The following YIF1B variants were observed in gnomAD, a reference collection of about 807,000 sequenced individuals.
YIF1B encodes Yip1 interacting factor homolog B, membrane trafficking protein.
Under a neutral mutation model 34.6 loss-of-function variants are expected in YIF1B, and 24 were observed. The observed-to-expected ratio is 0.69, with a 90% CI of 0.50 to 0.98. The LOEUF (loss-of-function observed/expected upper bound fraction) is 0.98, where lower values mean the gene tolerates loss of function less well. Ranked by LOEUF, YIF1B falls within the 50% of genes least tolerant of loss-of-function variation. The pLI, the probability that YIF1B is intolerant of heterozygous loss-of-function variation, is 0.00. For synonymous variants in YIF1B, 186 were observed against 184.8 expected, an observed-to-expected ratio of 1.01 and a Z score of -0.05; for missense variants, 368 against 429.4, an observed-to-expected ratio of 0.86 and a Z score of 1.26.
Position 38,304,507 on chromosome 19 carries a change from C to T in YIF1B, c.*845G>A. 6.4e-7 allele frequency: 1 copy of T among 1,561,656 alleles called. No homozygotes were observed. The highest frequency in any genetic ancestry group is 8.7e-7 in the Non-Finnish European group (1 of 1,153,042). ...GGTCCAAAGGTAAGTCGCCTCATCA[C>T]CGGCTGCGGAGGGGCGGGAAGGCTG... On this transcript the variant is annotated 3_prime_UTR_variant, in exon 8 of 8. Transcript: ENST00000339413.
chr19:38,317,084 C>T (rs1284538231), upstream of YIF1B: 2 of 152,242 alleles, frequency 1.3e-5, no homozygotes, highest in Non-Finnish European at 2.9e-5. Context: ...TCTCACATTG[C>T]AACCTGGTTC....
At chr19:38,305,915 G>T (rs1158627184) in intron 7 of YIF1B, among the ~76,000 whole-genome samples, 1 of 150,218 alleles carries the variant, frequency 6.7e-6, no homozygotes, top group Non-Finnish European at 1.5e-5. Context: ...TAAAGGACAG[G>T]GTCTCTGGCC....
chr19:38,320,182 G>A (rs748704283), upstream of YIF1B: 7 of 1,600,540 alleles, frequency 4.4e-6, no homozygotes, highest in Non-Finnish European at 5.9e-6. Flanking sequence ...GGTCGTGCTT[G>A]CTAACGCTTC....
intron 1 of YIF1B, among the ~76,000 whole-genome samples, chr19:38,313,020 C>T (rs1479856037): frequency 1.3e-5 from 2 of 152,018 alleles, no homozygotes; most frequent in African/African-American, 4.8e-5. Flanking sequence ...GGTGCGATCT[C>T]GGCTCACCAC....
rs1160948388 is a variant in YIF1B, at chr19:38,305,029, T to C, written c.*323A>G. ...TTCTGCGACTGGTCAGCGTGGTGCC[T>C]ACTCTGGCCCGTCCCCAGCTCCCTG... On this transcript the variant is annotated 3_prime_UTR_variant, in exon 8 of 8. Coordinates refer to ENST00000339413, the MANE Select transcript of YIF1B (RefSeq NM_001039672.3). 2.6e-6 allele frequency: 4 copies of C among 1,547,996 alleles called. No individual in the cohort carries two copies. In the African/African-American group the frequency reaches 5.5e-5, roughly 21 times the overall value.
chr19:38,321,718 C>A (rs2145038316), upstream of YIF1B, among the ~76,000 whole-genome samples: 1 of 152,380 alleles, frequency 6.6e-6, no homozygotes, highest in East Asian at 1.9e-4. Context: ...GGTCCCCTGG[C>A]AGCAGAGCTG....
intron 5 of YIF1B, among the ~76,000 whole-genome samples, chr19:38,308,417 A>C (rs1274185840): frequency 7.1e-6 from 1 of 141,610 alleles, no homozygotes; most frequent in African/African-American, 2.5e-5. Context: ...CATGGATAGC[A>C]GGGCGGGGCA....
chr19:38,317,546 A>G (rs954128854), upstream of YIF1B, among the ~76,000 whole-genome samples: 2 of 148,354 alleles, frequency 1.3e-5, no homozygotes, highest in Non-Finnish European at 3.0e-5. Flanking sequence ...CTCCAGATAC[A>G]TCTCTTCCAT....
intron 7 of YIF1B, among the ~76,000 whole-genome samples, chr19:38,306,112 G>T (rs918784130): frequency 1.4e-5 from 2 of 146,864 alleles, no homozygotes; most frequent in East Asian, 2.1e-4. Context: ...TGAGGCAGGA[G>T]ACTTGCTCCT....
At chr19:38,310,708 A>G (rs1159168897) in intron 1 of YIF1B, among the ~76,000 whole-genome samples, 3 of 151,942 alleles carry the variant, frequency 2.0e-5, no homozygotes, top group African/African-American at 2.4e-5. Flanking sequence ...GCGCCTCCCA[A>G]TGCTCACTGA....
rs1035555812 is a variant in YIF1B at position 38,305,397 on chromosome 19, C to T, written c.900G>A (p.Ala300=). The T allele has an allele frequency of 9.3e-6, 15 of 1,608,818 alleles. No homozygotes were observed. The African/African-American group carries it at 1.5e-4, about 16-fold the overall frequency. ...RMYLTMAVAA[A]QPMLMYWLTF... is the part of the protein sequence containing the mutation. Reference sequence around the variant, plus strand: ...TGAGCCAGTACATGAGCATAGGCTGCGCCGCCGCCACCGCCATGGTCAGGT... The same window carrying T: ...TGAGCCAGTACATGAGCATAGGCTGTGCCGCCGCCACCGCCATGGTCAGGT... The change falls in exon 8 of 8, where the codon GCG becomes GCA. Residue 300 remains alanine, a synonymous_variant. Transcript: ENST00000339413.
At chr19:38,307,291 C>T (rs770815625) in intron 7 of YIF1B, 137 bp downstream of exon 7, 27 of 933,280 alleles carry the variant, frequency 2.9e-5, no homozygotes, top group African/African-American at 1.8e-4. Flanking sequence ...CCCCCCAGGC[C>T]GGGCAGCCAC....
In YIF1B at chr19:38,315,848, C is replaced by T; in HGVS notation, c.58+12G>A. ...GCCCCCGCCCGCCCGATCTCCTCCG[C>T]CGGCCACGTACGCCACTTACGCAGC... On this transcript the variant is annotated intron_variant, in intron 1 of 7. Transcript: ENST00000339413. 6.6e-7 allele frequency: 1 copy of T among 1,505,646 alleles called. No homozygotes were observed. Among genetic ancestry groups the T allele is most frequent in the South Asian group, 1.2e-5 (1 of 80,528 alleles). The allele number at this position is 1,505,646 out of a possible 1,614,324, so 93.3% of individuals were successfully genotyped here. A position where few individuals can be genotyped will look rare whatever the true frequency, so the allele number is the denominator to read the frequency against.
chr19:38,314,264 G>A (rs1039068660), intron 1 of YIF1B, among the ~76,000 whole-genome samples: 8 of 146,626 alleles, frequency 5.5e-5, no homozygotes, highest in African/African-American at 7.7e-5. Flanking sequence ...GTGAAATCTC[G>A]GCCCACTGCA....
At chr19:38,313,352 G>A (rs1199717912) in intron 1 of YIF1B, among the ~76,000 whole-genome samples, 4 of 150,214 alleles carry the variant, frequency 2.7e-5, no homozygotes, top group African/African-American at 7.4e-5. Context: ...TCCGCCTCCC[G>A]GGTTCACGCC....
intron 1 of YIF1B, among the ~76,000 whole-genome samples, chr19:38,314,172 C>T (rs1250482110): frequency 1.3e-5 from 2 of 150,948 alleles, no homozygotes; most frequent in African/African-American, 2.4e-5. Flanking sequence ...ATTACAGGTG[C>T]GCGCCACCAC....
Position 38,305,418 on chromosome 19 carries a change from C to T in YIF1B, c.879G>A (p.Leu293=). ...RGARNQLRMY[L]TMAVAAAQPM... ...GCTGCGCCGCCGCCACCGCCATGGT[C>T]AGGTACATGCGCAGCTGGTTCCGGG... The change falls in exon 8 of 8, where the codon CTG becomes CTA. Residue 293 remains leucine (L), a synonymous_variant. Coordinates refer to ENST00000339413, the MANE Select transcript of YIF1B (RefSeq NM_001039672.3). 2 of 1,610,944 alleles carry T rather than the reference C, an allele frequency of 1.2e-6. No homozygotes were observed. Among genetic ancestry groups the T allele is most frequent in the Non-Finnish European group, 8.5e-7 (1 of 1,178,554 alleles).
intron 5 of YIF1B, 96 bp downstream of exon 5, chr19:38,308,696 T>G: frequency 6.6e-7 from 1 of 1,513,278 alleles, no homozygotes; most frequent in Non-Finnish European, 9.2e-7. Context: ...GGGGCTGTCC[T>G]GAAAGGGGAA....
Position 38,315,843 on chromosome 19 carries a change from C to T in YIF1B, c.58+17G>A, listed in dbSNP as rs1490943523. On this transcript the variant is annotated intron_variant, in intron 1 of 7. Coordinates refer to ENST00000339413, the MANE Select transcript of YIF1B (RefSeq NM_001039672.3). The stretch of plus-strand genomic sequence containing the variant: ...GCCACGCCCCCGCCCGCCCGATCTC[C>T]TCCGCCGGCCACGTACGCCACTTAC... 2 of 1,505,700 alleles carry T rather than the reference C, an allele frequency of 1.3e-6. No individual in the cohort carries two copies. The highest frequency in any genetic ancestry group is 2.5e-5 in the South Asian group (2 of 80,556). The allele number at this position is 1,505,700 out of a possible 1,614,324, so 93.3% of individuals were successfully genotyped here. A position where few individuals can be genotyped will look rare whatever the true frequency, so the allele number is the denominator to read the frequency against.
Sources: gnomAD v4.1 joint callset for allele counts (sites outside exome capture counted in the v4.1 genomes callset) on GRCh38, gnomAD v4.1.1 for gene constraint, MANE v1.5 for transcripts, NCBI Gene and HGNC (gene_info 2026-07-23, HGNC 2026-07-21) for gene names.